The following C1GALT1 variants were observed in gnomAD, a reference collection of about 807,000 sequenced individuals.
C1GALT1 encodes the protein glycoprotein-N-acetylgalactosamine 3-beta-galactosyltransferase 1.
In C1GALT1, 11 loss-of-function variants were observed where a neutral mutation model predicts 31.0. The observed-to-expected ratio is 0.36, with a 90% CI of 0.22 to 0.59. The LOEUF (loss-of-function observed/expected upper bound fraction) is 0.59, where lower values mean the gene tolerates loss of function less well. C1GALT1 is among the 20% of genes least tolerant of loss of function. The pLI is 0.79. For missense variants in C1GALT1, 424 were observed against 425.2 expected (o/e 1.00, Z 0.03); for synonymous variants, 175 against 143.6 (o/e 1.22, Z -1.56).
At chr7:7,201,355 T>G (rs1448188021) in intron 1 of C1GALT1, among the ~76,000 whole-genome samples, 1 of 152,182 alleles carries the variant, frequency 6.6e-6, no homozygotes, top group African/African-American at 2.4e-5. Context: ...ACCCGATCTT[T>G]CCTCTGGAAG....
At chr7:7,211,362 C>G (rs1012029402) in intron 1 of C1GALT1, among the ~76,000 whole-genome samples, 1 of 152,158 alleles carries the variant, frequency 6.6e-6, no homozygotes, top group Non-Finnish European at 1.5e-5. Flanking sequence ...TCTTTAAGTA[C>G]CTGTAGATTT....
At chr7:7,204,830 G>C (rs1023797810) in intron 1 of C1GALT1, among the ~76,000 whole-genome samples, 7 of 152,064 alleles carry the variant, frequency 4.6e-5, no homozygotes, top group African/African-American at 1.4e-4. Context: ...CCACGCATTT[G>C]TGAATTTTCC....
At chr7:7,212,632 T>G (rs7790518) in intron 1 of C1GALT1, among the ~76,000 whole-genome samples, 6,229 of 152,164 alleles carry the variant, frequency 0.041, 288 homozygotes, top group African/African-American at 0.12. Flanking sequence ...AAAGGAGTCA[T>G]TGAAGGATAG....
At chr7:7,234,571 AGCAGTAT>A (rs1783249067) in intron 2 of C1GALT1, 32 bp downstream of exon 2, 1 of 1,526,894 alleles carries the variant, frequency 6.5e-7, no homozygotes, top group African/African-American at 1.4e-5. Context: ...AGTAAACATA[AGCAGTAT>A]TTTAGTCTAA....
chr7:7,243,420 A>T (rs112532087), intron 3 of C1GALT1, 104 bp from the exon 4 acceptor site: 86 of 936,422 alleles, frequency 9.2e-5, no homozygotes, highest in Non-Finnish European at 1.3e-4. Flanking sequence ...GCCATCTTTA[A>T]TGTTTGTATT....
intron 1 of C1GALT1, among the ~76,000 whole-genome samples, chr7:7,219,212 G>C (rs1782395826): frequency 6.6e-6 from 1 of 152,110 alleles, no homozygotes; most frequent in African/African-American, 2.4e-5. Context: ...GTTTTGAATA[G>C]TTTATACATA....
At chr7:7,235,804 A>G (rs1042061260) in intron 2 of C1GALT1, among the ~76,000 whole-genome samples, 2 of 152,202 alleles carry the variant, frequency 1.3e-5, no homozygotes, top group South Asian at 2.1e-4. Flanking sequence ...TGTGCCAGAA[A>G]TTAAGAAATC....
intron 1 of C1GALT1, among the ~76,000 whole-genome samples, chr7:7,195,503 A>G (rs1457178299): frequency 1.3e-5 from 2 of 152,118 alleles, no homozygotes; most frequent in African/African-American, 4.8e-5. Context: ...TTTGGAGTTG[A>G]TTTCCAATTT....
chr7:7,225,383 T>C (rs1357635441), intron 1 of C1GALT1, among the ~76,000 whole-genome samples: 1 of 152,210 alleles, frequency 6.6e-6, no homozygotes, highest in Admixed American at 6.5e-5. Flanking sequence ...TTTCCCAGTA[T>C]ATAGCATAGT....
chr7:7,180,244 A>G (rs1780555209), upstream of C1GALT1, among the ~76,000 whole-genome samples: 2 of 152,260 alleles, frequency 1.3e-5, no homozygotes, highest in Non-Finnish European at 2.9e-5. Context: ...CATATAAAGT[A>G]TATTTTTCAA....
chr7:7,191,090 A>T (rs1781052455), intron 1 of C1GALT1, among the ~76,000 whole-genome samples: 1 of 151,956 alleles, frequency 6.6e-6, no homozygotes, highest in African/African-American at 2.4e-5. Context: ...TATCTCCAGA[A>T]CTCTTTATTT....
chr7:7,175,307 G>T (rs549873484), intron 2 of C1GALT1, among the ~76,000 whole-genome samples: 1 of 152,336 alleles, frequency 6.6e-6, no homozygotes, highest in South Asian at 2.1e-4. Context: ...TCTTTGCAAA[G>T]TGGCTCTAAG....
intron 1 of C1GALT1, among the ~76,000 whole-genome samples, chr7:7,206,918 T>G (rs1384725809): frequency 6.6e-6 from 1 of 152,216 alleles, no homozygotes; most frequent in Non-Finnish European, 1.5e-5. Context: ...GGTTTCATTA[T>G]AATATATTTT....
chr7:7,217,004 T>C lies in C1GALT1; in HGVS notation c.-17-17299T>C, dbSNP rs1190640332. On this transcript the variant is annotated intron_variant, in intron 1 of 3. Transcript: ENST00000436587. ...ACACACACACACACAGGGTAAGAGA[T>C]TGTGGATAAAAAGAGAAAATTTGGC... Among the ~76,000 whole-genome samples, 3 of 152,086 alleles carry C rather than the reference T, an allele frequency of 2.0e-5. No individual in the cohort carries two copies. The East Asian group carries it at 5.8e-4, about 29-fold the overall frequency.
chr7:7,229,911 C>T (rs1782985818), intron 1 of C1GALT1, among the ~76,000 whole-genome samples: 1 of 152,250 alleles, frequency 6.6e-6, no homozygotes, highest in East Asian at 1.9e-4. Context: ...CCATGAAGGC[C>T]TACCTTTCTG....
At chr7:7,227,873 C>A (rs1012590954) in intron 1 of C1GALT1, among the ~76,000 whole-genome samples, 5 of 152,176 alleles carry the variant, frequency 3.3e-5, no homozygotes, top group Non-Finnish European at 7.3e-5. Context: ...CCCCTTTGGC[C>A]TTGGACTTTC....
At chr7:7,201,054 C>A (rs182535465) in intron 1 of C1GALT1, among the ~76,000 whole-genome samples, 21 of 152,354 alleles carry the variant, frequency 1.4e-4, no homozygotes, top group Admixed American at 1.3e-3. Flanking sequence ...CGAGGAGCTG[C>A]GTTCCTTTGG....
At chr7:7,161,052 A>G (rs1780328480) in intron 2 of C1GALT1, among the ~76,000 whole-genome samples, 3 of 152,178 alleles carry the variant, frequency 2.0e-5, no homozygotes, top group Admixed American at 1.3e-4. Context: ...TTGTGTAGTC[A>G]TTACTACACA....
intron 2 of C1GALT1, among the ~76,000 whole-genome samples, chr7:7,164,780 C>G (rs1313524175): frequency 6.6e-6 from 1 of 152,048 alleles, no homozygotes; most frequent in Non-Finnish European, 1.5e-5. Flanking sequence ...GTTGTTTGCA[C>G]CTGAGGCAGT....
Sources: gnomAD v4.1 joint callset for allele counts (sites outside exome capture counted in the v4.1 genomes callset) on GRCh38, gnomAD v4.1.1 for gene constraint, MANE v1.5 for transcripts, NCBI Gene and HGNC (gene_info 2026-07-23, HGNC 2026-07-21) for gene names.